The following TENM2 variants were observed in gnomAD, a reference collection of about 807,000 sequenced individuals.
TENM2 encodes teneurin transmembrane protein 2, also known as teneurin-2.
Under a neutral mutation model 245.2 loss-of-function variants are expected in TENM2, and 52 were observed. That is an observed-to-expected ratio of 0.21 (90% CI 0.17 to 0.27). The LOEUF (loss-of-function observed/expected upper bound fraction) is 0.27. TENM2 is among the 10% of genes least tolerant of loss of function. The pLI is 1.00. For synonymous variants in TENM2, 1,363 were observed against 1,438.9 expected (o/e 0.95, Z 1.19); for missense variants, 3,046 against 3,666.8 (o/e 0.83, Z 4.37).
At chr5:167,748,491 A>G (rs1324461215) in intron 2 of TENM2, among the ~76,000 whole-genome samples, 1 of 151,930 alleles carries the variant, frequency 6.6e-6, no homozygotes, top group Non-Finnish European at 1.5e-5. Flanking sequence ...GAATCCTCTC[A>G]CCTCAGCCTC....
At chr5:167,043,968 C>T in the TENM2 span, among the ~76,000 whole-genome samples, 9 of 151,226 alleles carry the variant, frequency 6.0e-5, no homozygotes, top group Non-Finnish European at 1.2e-4. Context: ...TGCAGTGAGC[C>T]GAGATCGCGC....
At chr5:167,641,612 T>TA (rs1171930783) in intron 2 of TENM2, among the ~76,000 whole-genome samples, 1 of 152,124 alleles carries the variant, frequency 6.6e-6, no homozygotes, top group Non-Finnish European at 1.5e-5. Flanking sequence ...ACAAAGACAG[T>TA]AAAAGTTACT....
chr5:167,121,044 CTT>C, the TENM2 span, among the ~76,000 whole-genome samples: 1 of 152,054 alleles, frequency 6.6e-6, no homozygotes, highest in Non-Finnish European at 1.5e-5. Flanking sequence ...AACAACGTGA[CTT>C]AACTCTCGGT....
the TENM2 span, among the ~76,000 whole-genome samples, chr5:167,041,382 C>T: frequency 5.3e-5 from 8 of 152,252 alleles, no homozygotes; most frequent in South Asian, 1.7e-3. Context: ...CTTAGAGAAG[C>T]AGAGTTCCTG....
intron 2 of TENM2, among the ~76,000 whole-genome samples, chr5:167,537,663 C>T (rs1396668315): frequency 1.3e-5 from 2 of 152,204 alleles, no homozygotes; most frequent in East Asian, 1.9e-4. Context: ...CGAATCTGAG[C>T]CTTTACTAAC....
chr5:167,632,872 T>C (rs995811980), intron 2 of TENM2, among the ~76,000 whole-genome samples: 32 of 152,346 alleles, frequency 2.1e-4, no homozygotes, highest in Non-Finnish European at 4.1e-4. Flanking sequence ...TAAGTTTAGA[T>C]GACTTGGCAA....
the TENM2 span, among the ~76,000 whole-genome samples, chr5:167,152,560 A>C: frequency 3.3e-5 from 5 of 152,176 alleles, no homozygotes; most frequent in African/African-American, 1.2e-4. Flanking sequence ...GTCCAGGATA[A>C]ATAGATGTAT....
At chr5:168,181,229 TG>T (rs1759857055) in intron 13 of TENM2, among the ~76,000 whole-genome samples, 2 of 152,368 alleles carry the variant, frequency 1.3e-5, no homozygotes, top group South Asian at 4.1e-4. Flanking sequence ...TGATGGCATT[TG>T]TTTTTGGTTT....
At chr5:167,692,872 C>A (rs1471861918) in intron 2 of TENM2, among the ~76,000 whole-genome samples, 1 of 152,198 alleles carries the variant, frequency 6.6e-6, no homozygotes, top group Non-Finnish European at 1.5e-5. Flanking sequence ...TGCATATGCA[C>A]TCATGCTGGG....
At chr5:167,725,621 A>G (rs1424673570) in intron 2 of TENM2, among the ~76,000 whole-genome samples, 1 of 152,052 alleles carries the variant, frequency 6.6e-6, no homozygotes, top group East Asian at 1.9e-4. Flanking sequence ...CAGCTTCCCA[A>G]TTGGATCTTT....
At chr5:167,350,437 G>A (rs943701491) in intron 1 of TENM2, among the ~76,000 whole-genome samples, 1 of 149,912 alleles carries the variant, frequency 6.7e-6, no homozygotes, top group Non-Finnish European at 1.5e-5. Context: ...GTGTGTGTGT[G>A]TGTGTGTGTA....
At chr5:167,381,914 T>C (rs1304780975) in intron 2 of TENM2, among the ~76,000 whole-genome samples, 3 of 152,192 alleles carry the variant, frequency 2.0e-5, no homozygotes, top group African/African-American at 7.2e-5. Context: ...CATTTAGATT[T>C]AAATGCTTCA....
At chr5:168,073,470 A>T (rs1456737304) in intron 7 of TENM2, among the ~76,000 whole-genome samples, 1 of 152,194 alleles carries the variant, frequency 6.6e-6, no homozygotes, top group Admixed American at 6.5e-5. Context: ...CAATTGACCG[A>T]AACTCTGCTT....
intron 2 of TENM2, among the ~76,000 whole-genome samples, chr5:167,570,773 G>T (rs993569580): frequency 3.3e-5 from 5 of 152,176 alleles, no homozygotes; most frequent in Admixed American, 1.3e-4. Context: ...ATCAAGAAAT[G>T]TCAGAGGTCT....
the TENM2 span, among the ~76,000 whole-genome samples, chr5:167,243,337 G>A: frequency 6.6e-6 from 1 of 152,158 alleles, no homozygotes. Context: ...CTGAGGGTGA[G>A]TGGGGCCTCA....
rs1169625677 is a variant in TENM2, at chr5:168,218,446, G to T, written c.4555G>T (p.Asp1519Tyr). The change falls in exon 23 of 29, where the codon GAC (aspartate) becomes TAC (tyrosine). Residue 1519 changes from aspartate (D) to tyrosine (Y), a missense_variant. By Grantham distance (160) the Asp-to-Tyr change is radical. Transcript: ENST00000518659. The surrounding 1 kb of genome is among the most constrained non-coding windows in gnomAD (Gnocchi z 5.2). ...CTGCCTTTTAGCTGGGGCAGCCTCG[G>T]ACTGCGACTGCAAAAACGATGTCAA... 6.2e-7 allele frequency: 1 copy of T among 1,614,054 alleles called. No homozygotes were observed. Among genetic ancestry groups the T allele is most frequent in the Non-Finnish European group, 8.5e-7 (1 of 1,179,900 alleles).
chr5:167,463,748 G>A (rs1211250039), intron 2 of TENM2, among the ~76,000 whole-genome samples: 11 of 152,042 alleles, frequency 7.2e-5, no homozygotes, highest in African/African-American at 9.7e-5. Context: ...TGCCTGCTTC[G>A]GCCCCCCAGA....
intron 5 of TENM2, among the ~76,000 whole-genome samples, chr5:168,037,439 T>A (rs1787806542): frequency 6.6e-6 from 1 of 152,046 alleles, no homozygotes. Context: ...AGAAAAATGG[T>A]GATTTTAGAT....
intron 4 of TENM2, among the ~76,000 whole-genome samples, chr5:167,985,083 A>G (rs537694370): frequency 6.6e-6 from 1 of 152,312 alleles, no homozygotes; most frequent in East Asian, 1.9e-4. Flanking sequence ...TCTTTATTAA[A>G]CTTACTCTTT....
Sources: allele counts gnomAD v4.1 joint callset (sites outside exome capture counted in the v4.1 genomes callset), GRCh38; gene constraint gnomAD v4.1.1; non-coding constraint Gnocchi (gnomAD v3.1); transcripts MANE v1.5; gene names NCBI Gene and HGNC (gene_info 2026-07-23, HGNC 2026-07-21).